The following CSMD3 variants were observed in gnomAD, a reference collection of about 807,000 sequenced individuals.
The protein encoded by CSMD3 is CUB and sushi domain-containing protein 3.
Under a neutral mutation model 435.2 loss-of-function variants are expected in CSMD3, and 177 were observed. The ratio of observed to expected loss-of-function variants is 0.41; its 90% CI spans 0.36 to 0.46. CSMD3 has a LOEUF of 0.46. Among genes scored for constraint, CSMD3 ranks in the 20% least tolerant of loss-of-function variants. The pLI, the probability that CSMD3 is intolerant of heterozygous loss-of-function variation, is 0.34. For missense variants in CSMD3, 4,265 were observed against 4,504.6 expected, an observed-to-expected ratio of 0.95 and a Z score of 1.52; for synonymous variants, 1,656 against 1,520.5, an observed-to-expected ratio of 1.09 and a Z score of -2.07.
chr8:112,886,926 T>C (rs181191025), intron 10 of CSMD3, among the ~76,000 whole-genome samples: 18 of 151,568 alleles, frequency 1.2e-4, no homozygotes, highest in African/African-American at 3.1e-4. Context: ...TTTTTTTTCC[T>C]GAAAATTTTT....
chr8:113,263,718 A>G (rs1323829111), intron 3 of CSMD3, among the ~76,000 whole-genome samples: 1 of 151,834 alleles, frequency 6.6e-6, no homozygotes, highest in Admixed American at 6.6e-5. Context: ...AACATATAAA[A>G]TCTGAAGAAT....
intron 59 of CSMD3, among the ~76,000 whole-genome samples, chr8:112,276,706 C>T (rs73341004): frequency 0.057 from 8,615 of 152,136 alleles, 331 homozygotes; most frequent in East Asian, 0.14. Flanking sequence ...CTTGAAGACC[C>T]CACTCCTGCA....
At chr8:112,471,825 G>A (rs146552551) in intron 32 of CSMD3, among the ~76,000 whole-genome samples, 1 of 152,258 alleles carries the variant, frequency 6.6e-6, no homozygotes, top group South Asian at 2.1e-4. Context: ...ACACAATGCT[G>A]TAAATCTAAA....
intron 4 of CSMD3, among the ~76,000 whole-genome samples, chr8:113,143,813 G>C (rs1417920953): frequency 1.3e-5 from 2 of 151,352 alleles, no homozygotes; most frequent in Non-Finnish European, 3.0e-5. Flanking sequence ...GTGGGAATGA[G>C]TTTGGCTATA....
At chr8:112,884,435 C>T (rs562054240) in intron 10 of CSMD3, among the ~76,000 whole-genome samples, 6 of 151,590 alleles carry the variant, frequency 4.0e-5, no homozygotes, top group African/African-American at 1.5e-4. Flanking sequence ...GTTTTTCGGC[C>T]TCCACACTAC....
chr8:113,339,502 A>G (rs1007182584), intron 1 of CSMD3, among the ~76,000 whole-genome samples: 1 of 152,018 alleles, frequency 6.6e-6, no homozygotes, highest in Non-Finnish European at 1.5e-5. Flanking sequence ...ATCTTAGAAC[A>G]TCATACAAAC....
chr8:112,864,826 A>G (rs937236469), intron 10 of CSMD3, among the ~76,000 whole-genome samples: 8 of 152,208 alleles, frequency 5.3e-5, no homozygotes, highest in Non-Finnish European at 1.0e-4. Context: ...CTAATAGGTT[A>G]GCTAATATTT....
Position 112,943,669 on chromosome 8 carries a change from T to C in CSMD3, c.1508+4121A>G, listed in dbSNP as rs2083518649. ...TCCTTTACAACCTTTCCATTTTTTA[T>C]TCTTCTGGGTGATTTCCATATCTTA... is the stretch of plus-strand genomic sequence containing the variant. On this transcript the variant is annotated intron_variant, in intron 9 of 70. Transcript: ENST00000297405. Among the ~76,000 whole-genome samples the C allele has an allele frequency of 3.3e-5, 5 of 151,776 alleles. No homozygotes were observed. The Admixed American group carries it at 3.3e-4, about 10-fold the overall frequency.
intron 35 of CSMD3, among the ~76,000 whole-genome samples, chr8:112,392,312 C>T (rs1425721301): frequency 1.4e-5 from 1 of 71,406 alleles, no homozygotes; most frequent in Non-Finnish European, 2.8e-5. Context: ...AGGGCAATTA[C>T]TCAAAAAAAA....
At position 112,351,964 on chromosome 8, in the gene CSMD3, C is replaced by A. The variant is rs1270460757; in HGVS notation, c.6255+452G>T. ...ATACATTGCAAATCCAGTTCCTTAG[C>A]AAAATATACTTGTAGTAAATTTTCA... On this transcript the variant is annotated intron_variant, in intron 39 of 70. Transcript: ENST00000297405. Among the ~76,000 whole-genome samples, 6 of 151,940 alleles carry A rather than the reference C, an allele frequency of 3.9e-5. No individual in the cohort carries two copies. The East Asian group carries it at 1.2e-3, about 29-fold the overall frequency.
chr8:113,363,087 C>A (rs2094288034), intron 1 of CSMD3, among the ~76,000 whole-genome samples: 1 of 152,154 alleles, frequency 6.6e-6, no homozygotes, highest in African/African-American at 2.4e-5. Context: ...TCACCTTGTA[C>A]CTTTTGCCTG....
intron 5 of CSMD3, among the ~76,000 whole-genome samples, chr8:113,078,385 G>A (rs1319287626): frequency 6.6e-6 from 1 of 152,128 alleles, no homozygotes; most frequent in African/African-American, 2.4e-5. Flanking sequence ...AACACCCAAT[G>A]TCATGTATGC....
rs1050953760 is a variant in CSMD3 at position 112,307,447 on chromosome 8, A to C, written c.7886-1255T>G. 3.9e-5 allele frequency among the ~76,000 whole-genome samples: 6 copies of C among 151,972 alleles called. No homozygotes were observed. In the South Asian group the frequency reaches 1.2e-3, roughly 32 times the overall value. On this transcript the variant is annotated intron_variant, in intron 50 of 70. Coordinates refer to ENST00000297405, the MANE Select transcript of CSMD3 (RefSeq NM_198123.2). ...CAGGCACGCATCACCAGGTCCGGCTAATATTTGTATTTTTTTGTAGACACG... is the reference window on the plus strand; with the variant it reads ...CAGGCACGCATCACCAGGTCCGGCTCATATTTGTATTTTTTTGTAGACACG...
At chr8:112,321,801 A>G (rs1823020118) in intron 45 of CSMD3, among the ~76,000 whole-genome samples, 1 of 152,126 alleles carries the variant, frequency 6.6e-6, no homozygotes, top group Admixed American at 6.6e-5. Flanking sequence ...ACACCACTGT[A>G]CAGAAGGGTT....
intron 32 of CSMD3, among the ~76,000 whole-genome samples, chr8:112,463,814 C>G (rs1164020794): frequency 1.3e-5 from 2 of 152,102 alleles, no homozygotes; most frequent in Non-Finnish European, 2.9e-5. Context: ...AGAGAAGACC[C>G]AGGGAAAATA....
intron 1 of CSMD3, among the ~76,000 whole-genome samples, chr8:113,369,618 A>C (rs1194847392): frequency 1.3e-5 from 2 of 152,082 alleles, no homozygotes; most frequent in Admixed American, 6.6e-5. Flanking sequence ...TATTTAATGC[A>C]GTGCTATTGA....
intron 22 of CSMD3, among the ~76,000 whole-genome samples, chr8:112,635,353 A>G (rs1333359764): frequency 6.6e-6 from 1 of 152,084 alleles, no homozygotes; most frequent in Admixed American, 6.6e-5. Flanking sequence ...GCCAAATATC[A>G]AATGGTCAGG....
At chr8:113,027,395 T>C (rs527270610) in intron 5 of CSMD3, among the ~76,000 whole-genome samples, 1 of 152,242 alleles carries the variant, frequency 6.6e-6, no homozygotes, top group South Asian at 2.1e-4. Flanking sequence ...TGAAAAAATA[T>C]TTTAGGAACT....
intron 24 of CSMD3, among the ~76,000 whole-genome samples, chr8:112,562,797 G>A (rs950150692): frequency 6.6e-6 from 1 of 151,502 alleles, no homozygotes; most frequent in Non-Finnish European, 1.5e-5. Context: ...ATATTTAAGT[G>A]AAGACCTCTT....
Sources: allele counts gnomAD v4.1 joint callset (sites outside exome capture counted in the v4.1 genomes callset), GRCh38; gene constraint gnomAD v4.1.1; transcripts MANE v1.5; gene names NCBI Gene and HGNC (gene_info 2026-07-23, HGNC 2026-07-21).